The following SPHKAP variants were observed in gnomAD, a reference collection of about 807,000 sequenced individuals.
SPHKAP encodes the protein A-kinase anchor protein SPHKAP.
A neutral mutation model predicts 137.5 loss-of-function variants in SPHKAP; 67 were observed. The ratio of observed to expected loss-of-function variants is 0.49; its 90% CI spans 0.40 to 0.60. The LOEUF is 0.60. SPHKAP is among the 20% of genes least tolerant of loss of function. The probability of loss-of-function intolerance (pLI) is 0.00; values close to 1 mark genes in which losing one functional copy is unlikely to be tolerated. For missense variants in SPHKAP, 2,097 were observed against 2,069.3 expected, an observed-to-expected ratio of 1.01 and a Z score of -0.26; for synonymous variants, 813 against 785.3, an observed-to-expected ratio of 1.04 and a Z score of -0.59.
chr2:228,033,551 T>C (rs1157709838), intron 3 of SPHKAP, among the ~76,000 whole-genome samples: 1 of 152,122 alleles, frequency 6.6e-6, no homozygotes, highest in Non-Finnish European at 1.5e-5. Flanking sequence ...TAGAGAAGTC[T>C]CCACCCCAAA....
intron 1 of SPHKAP, among the ~76,000 whole-genome samples, chr2:228,134,602 C>T (rs71432562): frequency 0.091 from 13,923 of 152,184 alleles, 812 homozygotes; most frequent in Middle Eastern, 0.13. Context: ...ACCAAAAGGC[C>T]GAACAGCTAT....
chr2:228,107,532 A>C (rs907548443), intron 3 of SPHKAP, among the ~76,000 whole-genome samples: 8 of 152,156 alleles, frequency 5.3e-5, no homozygotes, highest in Non-Finnish European at 1.0e-4. Context: ...TCTGAAATCC[A>C]GACCCCCAAC....
intron 3 of SPHKAP, among the ~76,000 whole-genome samples, chr2:228,067,269 C>T (rs544830006): frequency 3.9e-5 from 6 of 152,222 alleles, no homozygotes; most frequent in African/African-American, 1.2e-4. Flanking sequence ...CTGATAACTG[C>T]TAAAAACACT....
At chr2:227,984,398 G>A (rs576870800) in intron 11 of SPHKAP, among the ~76,000 whole-genome samples, 2 of 151,922 alleles carry the variant, frequency 1.3e-5, no homozygotes, top group South Asian at 2.1e-4. Flanking sequence ...TTGTCTACCT[G>A]ATTCTTGACA....
intron 3 of SPHKAP, among the ~76,000 whole-genome samples, chr2:228,080,821 A>G (rs1310139720): frequency 2.0e-5 from 3 of 152,146 alleles, no homozygotes; most frequent in Non-Finnish European, 4.4e-5. Flanking sequence ...CACACCTGTT[A>G]GAATGGCTAT....
intron 1 of SPHKAP, among the ~76,000 whole-genome samples, chr2:228,178,717 G>A (rs780665742): frequency 2.0e-5 from 3 of 151,410 alleles, no homozygotes; most frequent in Non-Finnish European, 4.4e-5. Context: ...GGTCTATAAC[G>A]CAACTAACAT....
intron 2 of SPHKAP, among the ~76,000 whole-genome samples, chr2:228,112,568 C>T (rs915577329): frequency 2.0e-5 from 3 of 152,078 alleles, no homozygotes; most frequent in African/African-American, 4.8e-5. Context: ...GGTACATTTT[C>T]GTGGTGAAAC....
intron 3 of SPHKAP, among the ~76,000 whole-genome samples, chr2:228,093,419 A>G (rs1697868301): frequency 6.6e-6 from 1 of 152,244 alleles, no homozygotes; most frequent in South Asian, 2.1e-4. Context: ...AAACCCACAC[A>G]ATGCAATATT....
intron 7 of SPHKAP, among the ~76,000 whole-genome samples, chr2:228,007,755 C>T (rs1694196660): frequency 1.3e-5 from 2 of 152,032 alleles, no homozygotes; most frequent in African/African-American, 4.8e-5. Context: ...GAAAGAAACC[C>T]ACATATCTAT....
chr2:228,036,224 A>T (rs969870573), intron 3 of SPHKAP, among the ~76,000 whole-genome samples: 2 of 151,844 alleles, frequency 1.3e-5, no homozygotes, highest in African/African-American at 4.9e-5. Context: ...TGGGCAAAGG[A>T]TATGAACAGA....
rs375899480 is a variant in SPHKAP, at chr2:227,987,077, A to G, written c.4959+3923T>C. Among the ~76,000 whole-genome samples, 29 of 152,302 alleles carry G rather than the reference A, an allele frequency of 1.9e-4. No homozygotes were observed. The East Asian group carries it at 3.5e-3, about 18-fold the overall frequency. ...CCACCTCAAATTCTGCTGCTTGTCT[A>G]AGATATTTCTCTGGAAGGAGGTCTC... is the stretch of plus-strand genomic sequence containing the variant. On this transcript the variant is annotated intron_variant, in intron 11 of 11. Transcript: ENST00000392056.
chr2:228,030,531 AAC>A lies in SPHKAP; in HGVS notation c.247-2990_247-2989del, dbSNP rs1559356967. Among the ~76,000 whole-genome samples, 76 of 68,310 alleles carry A rather than the reference AAC, an allele frequency of 1.1e-3. 1 individual carries two copies. Among genetic ancestry groups the A allele is most frequent in the African/African-American group, 4.3e-3 (57 of 13,260 alleles). 44.8% of individuals were successfully genotyped at this position (68,310 alleles called of 152,430 possible). Reference sequence around the variant, plus strand: ...ACCATCTCAAAAAAAAAAAAAAAAAAACAACAAAAAACAAAAAAAAAAAAATA... The same window carrying A: ...ACCATCTCAAAAAAAAAAAAAAAAAAAACAAAAAACAAAAAAAAAAAAATA... On this transcript the variant is annotated intron_variant, in intron 3 of 11. Transcript: ENST00000392056.
intron 2 of SPHKAP, among the ~76,000 whole-genome samples, chr2:228,130,579 C>G (rs768530937): frequency 6.6e-6 from 1 of 152,068 alleles, no homozygotes; most frequent in Non-Finnish European, 1.5e-5. Context: ...ACCATACAAC[C>G]TTGTATCAAT....
chr2:227,981,787 T>A lies in SPHKAP; in HGVS notation c.5033A>T (p.Tyr1678Phe). 1 of 1,613,974 alleles carries A rather than the reference T, an allele frequency of 6.2e-7. No individual in the cohort carries two copies. Among genetic ancestry groups the A allele is most frequent in the African/African-American group, 1.3e-5 (1 of 75,046 alleles). The change falls in exon 12 of 12, where the codon TAC (tyrosine) becomes TTC (phenylalanine). Residue 1678 changes from tyrosine to phenylalanine, a missense_variant. Transcript: ENST00000392056. The part of the protein sequence containing the change: ...VGDIFHAVVQ[Y>F]CKMHEEQKDG... The stretch of plus-strand genomic sequence containing the variant: ...CTTCTGCTCCTCATGCATTTTGCAG[T>A]ACTGGACAACTGCATGGAAGATATC...
intron 3 of SPHKAP, 66 bp from the exon 4 acceptor site, chr2:228,027,609 AAGC>A: frequency 6.6e-7 from 1 of 1,518,662 alleles, no homozygotes. Context: ...AGAAGAAAGA[AAGC>A]AGGAATCAGT....
In SPHKAP at chr2:228,048,078, A is replaced by G. The variant is rs951591547; in HGVS notation, c.247-20535T>C. ...CTAAAGACAACGAGGAGGAGAAAAA[A>G]GTTGTATCTTATTTTTGCCTAATTG... On this transcript the variant is annotated intron_variant, in intron 3 of 11. Coordinates refer to ENST00000392056, the MANE Select transcript of SPHKAP (RefSeq NM_001142644.2). Among the ~76,000 whole-genome samples the G allele has an allele frequency of 2.0e-5, 3 of 152,234 alleles. No individual in the cohort carries two copies. The South Asian group carries it at 6.2e-4, about 32-fold the overall frequency.
chr2:228,113,650 T>TCTCTCTCTCTCTCTCA (rs71043027), intron 2 of SPHKAP, among the ~76,000 whole-genome samples: 1 of 142,498 alleles, frequency 7.0e-6, no homozygotes. Flanking sequence ...TCTCTCTCTC[T>TCTCTCTCTCTCTCTCA]GAGCTCAGGT....
chr2:228,087,199 T>A (rs537659696), intron 3 of SPHKAP, among the ~76,000 whole-genome samples: 1 of 152,248 alleles, frequency 6.6e-6, no homozygotes, highest in South Asian at 2.1e-4. Context: ...TGAGGAATGA[T>A]ACCAAAGGCT....
chr2:228,109,292 T>C, intron 2 of SPHKAP: 1 of 841,964 alleles, frequency 1.2e-6, no homozygotes, highest in African/African-American at 1.8e-5. Flanking sequence ...AGTGCTAGTG[T>C]TCTTTCACAC....
Sources: allele counts gnomAD v4.1 joint callset (sites outside exome capture counted in the v4.1 genomes callset), GRCh38; gene constraint gnomAD v4.1.1; transcripts MANE v1.5; gene names NCBI Gene and HGNC (gene_info 2026-07-23, HGNC 2026-07-21).